IL1B: variants seen among roughly 807,000 people sequenced by gnomAD.
The protein encoded by IL1B is interleukin-1 beta.
A neutral mutation model predicts 26.2 loss-of-function variants in IL1B; 11 were observed. That is an observed-to-expected ratio of 0.42 (90% CI 0.26 to 0.70). The LOEUF is 0.70. Among genes scored for constraint, IL1B ranks in the 30% least tolerant of loss-of-function variants. The pLI is 0.25. For missense variants in IL1B, 255 were observed against 327.5 expected (o/e 0.78, Z 1.71); for synonymous variants, 118 against 120.8 (o/e 0.98, Z 0.15).
chr2:112,830,676 A>G (rs1026902200), intron 6 of IL1B, 103 bp from the exon 7 acceptor site: 2 of 820,352 alleles, frequency 2.4e-6, no homozygotes, highest in Non-Finnish European at 4.2e-6. Context: ...CGAGCAGGTC[A>G]CATGATCAGG....
chr2:112,832,933 C>G, intron 4 of IL1B, 107 bp from the exon 5 acceptor site: 1 of 1,077,874 alleles, frequency 9.3e-7, no homozygotes, highest in East Asian at 2.4e-5. Flanking sequence ...CATATACGGT[C>G]AAAGTCTGAT....
chr2:112,835,499 TC>T, intron 3 of IL1B, 66 bp downstream of exon 3: 1 of 1,299,808 alleles, frequency 7.7e-7, no homozygotes, highest in Non-Finnish European at 1.1e-6. Flanking sequence ...GGCCCAGAAC[TC>T]CCTTCTTTGA....
At chr2:112,831,555 G>GGA in intron 5 of IL1B, 133 bp from the exon 6 acceptor site, 1 of 950,268 alleles carries the variant, frequency 1.1e-6, no homozygotes, top group Non-Finnish European at 1.6e-6. Flanking sequence ...CTTGGCCTAA[G>GGA]ACACAGGATA....
At chr2:112,834,738 G>A (rs1224381105) in intron 3 of IL1B, among the ~76,000 whole-genome samples, 1 of 152,174 alleles carries the variant, frequency 6.6e-6, no homozygotes, top group East Asian at 1.9e-4. Context: ...GGCTAGGGGA[G>A]GCTATCACAA....
chr2:112,831,792 G>C (rs1276921822), intron 5 of IL1B, among the ~76,000 whole-genome samples: 1 of 152,202 alleles, frequency 6.6e-6, no homozygotes, highest in African/African-American at 2.4e-5. Context: ...AAAGGAAAGA[G>C]GTGAAGCTGT....
chr2:112,832,273 G>C (rs1188847375), intron 5 of IL1B, among the ~76,000 whole-genome samples: 6 of 152,216 alleles, frequency 3.9e-5, no homozygotes, highest in Non-Finnish European at 1.5e-5. Flanking sequence ...AGACTGGGGA[G>C]GGGGATGGAC....
intron 3 of IL1B, among the ~76,000 whole-genome samples, 158 bp from the exon 4 acceptor site, chr2:112,833,733 C>T (rs1411078000): frequency 6.6e-6 from 1 of 152,164 alleles, no homozygotes. Flanking sequence ...GTGGCTCATG[C>T]CTGTAATCCC....
chr2:112,832,874 G>T lies in IL1B; in HGVS notation c.302-48C>A, dbSNP rs1558782874. 1.9e-6 allele frequency: 3 copies of T among 1,604,904 alleles called. No individual in the cohort carries two copies. The Admixed American group carries it at 5.0e-5, about 27-fold the overall frequency. On this transcript the variant is annotated intron_variant, in intron 4 of 6. Transcript: ENST00000263341. ...TTTAGGTATAAAATCAGAAGGGCAG[G>T]CCTCGTGAGGCGAGGCGGCAAAATT...
chr2:112,833,760 G>T (rs1257866997), intron 3 of IL1B, among the ~76,000 whole-genome samples, 185 bp from the exon 4 acceptor site: 3 of 152,146 alleles, frequency 2.0e-5, no homozygotes, highest in Non-Finnish European at 4.4e-5. Flanking sequence ...TTGGGAAGCC[G>T]AGGTGGATGA....
intron 5 of IL1B, among the ~76,000 whole-genome samples, chr2:112,831,866 C>T (rs181538872): frequency 3.6e-4 from 55 of 152,294 alleles, no homozygotes; most frequent in African/African-American, 1.3e-3. Context: ...TGGGAAGAAA[C>T]TGGGAGAGGA....
chr2:112,831,824 C>G lies in IL1B; in HGVS notation c.467-402G>C, dbSNP rs988393051. On this transcript the variant is annotated intron_variant, in intron 5 of 6. Coordinates refer to ENST00000263341, the MANE Select transcript of IL1B (RefSeq NM_000576.3). Reference sequence around the variant, plus strand: ...CTGTACTTCTGCCAGAAATCAGGCACCAGAACTGTTTCAGGAACAGAGAGT... The same window carrying G: ...CTGTACTTCTGCCAGAAATCAGGCAGCAGAACTGTTTCAGGAACAGAGAGT... 5.3e-5 allele frequency among the ~76,000 whole-genome samples: 8 copies of G among 152,148 alleles called. No homozygotes were observed. In the East Asian group the frequency reaches 1.5e-3, roughly 29 times the overall value.
intron 5 of IL1B, 87 bp from the exon 6 acceptor site, chr2:112,831,509 A>G: frequency 6.7e-7 from 1 of 1,502,928 alleles, no homozygotes. Context: ...GATACATGTA[A>G]TTTGGTAGCC....
intron 2 of IL1B, among the ~76,000 whole-genome samples, 154 bp from the exon 3 acceptor site, chr2:112,835,771 G>A (rs758018430): frequency 6.6e-6 from 1 of 152,200 alleles, no homozygotes; most frequent in Non-Finnish European, 1.5e-5. Context: ...AGTGATATGC[G>A]CAGAACAGTC....
chr2:112,835,717 C>A, intron 2 of IL1B, 100 bp from the exon 3 acceptor site: 1 of 1,004,534 alleles, frequency 1.0e-6, no homozygotes, highest in Non-Finnish European at 1.6e-6. Context: ...AAACTGCAAA[C>A]AGCCTGCCTC....
rs868856466 is a variant in IL1B at position 112,832,784 on chromosome 2, T to C, written c.344A>G (p.His115Arg). The C allele has an allele frequency of 8.1e-6, 13 of 1,614,200 alleles. No homozygotes were observed. The Middle Eastern group carries it at 9.9e-4, about 123-fold the overall frequency. ...FDTWDNEAYVHDAPVRSLNCT... is the reference protein window; with the variant it reads ...FDTWDNEAYVRDAPVRSLNCT... ...GTTCAGTGATCGTACAGGTGCATCG[T>C]GCACATAAGCCTCGTTATCCCATGT... Residue 115 changes from histidine (H) to arginine (R), a missense_variant, in exon 5 of 7, where the codon CAC (histidine) becomes CGC (arginine). Physicochemically the swap from His to Arg is conservative, Grantham distance 29 (BLOSUM62 0). Coordinates refer to ENST00000263341, the MANE Select transcript of IL1B (RefSeq NM_000576.3).
At chr2:112,832,607 A>G in intron 5 of IL1B, 55 bp downstream of exon 5, 1 of 1,547,480 alleles carries the variant, frequency 6.5e-7, no homozygotes, top group Non-Finnish European at 8.9e-7. Context: ...TAAAACATGG[A>G]GAATTAGCAA....
chr2:112,830,195 G>C lies in IL1B; in HGVS notation c.*166C>G. ...AGAGAGCTGACTGTCCTGGCTGATG[G>C]ACAGGAGATCCTCTTAGCACTACCC... On this transcript the variant is annotated 3_prime_UTR_variant, in exon 7 of 7. Coordinates refer to ENST00000263341, the MANE Select transcript of IL1B (RefSeq NM_000576.3). The C allele has an allele frequency of 6.3e-6, 4 of 634,138 alleles. 1 individual carries two copies. In the South Asian group the frequency reaches 7.4e-5, roughly 12 times the overall value. 39.3% of individuals were successfully genotyped at this position (634,138 alleles called of 1,614,324 possible).
chr2:112,835,782 C>G (rs1682077225), intron 2 of IL1B, among the ~76,000 whole-genome samples, 165 bp from the exon 3 acceptor site: 1 of 152,232 alleles, frequency 6.6e-6, no homozygotes, highest in Non-Finnish European at 1.5e-5. Flanking sequence ...CAGAACAGTC[C>G]AGAAGGCAGA....
chr2:112,835,862 A>T (rs1248311177), intron 2 of IL1B, among the ~76,000 whole-genome samples: 1 of 152,220 alleles, frequency 6.6e-6, no homozygotes, highest in Non-Finnish European at 1.5e-5. Context: ...CTAGCCCAGC[A>T]GAGTCAGCTA....
Sources: gnomAD v4.1 joint callset for allele counts (sites outside exome capture counted in the v4.1 genomes callset) on GRCh38, gnomAD v4.1.1 for gene constraint, MANE v1.5 for transcripts, NCBI Gene and HGNC (gene_info 2026-07-23, HGNC 2026-07-21) for gene names.